Variants in TENM3 observed in about 807,000 individuals in gnomAD.
TENM3 encodes the protein teneurin transmembrane protein 3, also known as teneurin-3.
Under a neutral mutation model 255.1 loss-of-function variants are expected in TENM3, and 63 were observed. That is an observed-to-expected ratio of 0.25 (90% CI 0.20 to 0.30). The LOEUF is 0.30. Ranked by LOEUF, TENM3 falls within the 10% of genes least tolerant of loss-of-function variation. TENM3 has a pLI of 1.00. For synonymous variants in TENM3, 1,306 were observed against 1,322.3 expected (o/e 0.99, Z 0.27); for missense variants, 2,929 against 3,461.1 (o/e 0.85, Z 3.86).
rs1765895080 is a variant in TENM3 at position 182,788,973 on chromosome 4, T to C, written c.5305-120T>C. 38 of 869,104 alleles carry C rather than the reference T, an allele frequency of 4.4e-5. No homozygotes were observed. The South Asian group carries it at 6.8e-4, about 16-fold the overall frequency. 53.8% of individuals were successfully genotyped at this position (869,104 alleles called of 1,614,324 possible). A position where few individuals can be genotyped will look rare whatever the true frequency, so the allele number is the denominator to read the frequency against. On this transcript the variant is annotated intron_variant, in intron 24 of 27. Coordinates refer to ENST00000511685, the MANE Select transcript of TENM3 (RefSeq NM_001080477.4). ...CTGCCTTGCACTTGTACCCAAGAAG[T>C]TGCTAAGTTAATTTACTGACAAAGA...
chr4:182,474,739 G>A (rs544802743), intron 3 of TENM3, among the ~76,000 whole-genome samples: 2 of 152,244 alleles, frequency 1.3e-5, no homozygotes, highest in South Asian at 2.1e-4. Flanking sequence ...ATTGTAGGCT[G>A]TAACCTTAAT....
rs761467662 is a variant in TENM3 at position 182,729,080 on chromosome 4, G to A, written c.2484G>A (p.Ser828=). The change falls in exon 14 of 28, where the codon TCG becomes TCA. Residue 828 remains serine, a synonymous_variant. Coordinates refer to ENST00000511685, the MANE Select transcript of TENM3 (RefSeq NM_001080477.4). The part of the protein sequence containing the change: ...PQDIISQSLQ[S]PSQQAAKSFY... ...ACATCATTAGCCAAAGCCTTCAATC[G>A]CCTTCTCAGCAAGCTGCCAAATCCT... 9.9e-6 allele frequency: 16 copies of A among 1,613,794 alleles called. No individual in the cohort carries two copies. Among genetic ancestry groups the A allele is most frequent in the African/African-American group, 5.3e-5 (4 of 74,890 alleles).
chr4:181,653,152 C>G, the TENM3 span, among the ~76,000 whole-genome samples: 1 of 152,182 alleles, frequency 6.6e-6, no homozygotes, highest in Non-Finnish European at 1.5e-5. Flanking sequence ...CAGGGCTGAC[C>G]AGGACCCTGC....
chr4:182,111,946 GA>G, the TENM3 span, among the ~76,000 whole-genome samples: 1 of 152,114 alleles, frequency 6.6e-6, no homozygotes, highest in Non-Finnish European at 1.5e-5. Flanking sequence ...CGTAAAGCTA[GA>G]AAAATTCCAT....
At chr4:181,818,583 G>A in the TENM3 span, among the ~76,000 whole-genome samples, 2 of 150,608 alleles carry the variant, frequency 1.3e-5, no homozygotes, top group Admixed American at 6.6e-5. Flanking sequence ...GGGTAAATGT[G>A]TGCCATAGTG....
chr4:182,393,624 G>A (rs570377373), intron 3 of TENM3, among the ~76,000 whole-genome samples: 16 of 152,126 alleles, frequency 1.1e-4, no homozygotes, highest in African/African-American at 3.6e-4. Context: ...AATGGACTTC[G>A]GATTTAGCAT....
At chr4:181,774,019 T>G in the TENM3 span, among the ~76,000 whole-genome samples, 9 of 142,528 alleles carry the variant, frequency 6.3e-5, 1 homozygote, top group East Asian at 5.9e-4. Flanking sequence ...TTTTTTTTTT[T>G]TTTTTTTTTA....
intron 2 of TENM3, among the ~76,000 whole-genome samples, chr4:182,338,811 TA>T (rs1764299336): frequency 6.6e-6 from 1 of 152,232 alleles, no homozygotes. Flanking sequence ...GAAAATCTAT[TA>T]ACCATTCAGA....
chr4:181,739,309 T>C, the TENM3 span, among the ~76,000 whole-genome samples: 1 of 152,190 alleles, frequency 6.6e-6, no homozygotes, highest in Non-Finnish European at 1.5e-5. Flanking sequence ...TGTTTAAGAA[T>C]GAAGCTCCCC....
intron 1 of TENM3, among the ~76,000 whole-genome samples, chr4:182,257,879 C>T (rs1758521133): frequency 1.3e-5 from 2 of 152,114 alleles, no homozygotes; most frequent in Admixed American, 1.3e-4. Flanking sequence ...GGAAAAAGAA[C>T]AAGAATTTGC....
At chr4:182,114,114 G>C in the TENM3 span, among the ~76,000 whole-genome samples, 1 of 152,090 alleles carries the variant, frequency 6.6e-6, no homozygotes, top group African/African-American at 2.4e-5. Context: ...CATTTCAATA[G>C]GAAGACTCTC....
intron 1 of TENM3, among the ~76,000 whole-genome samples, chr4:182,147,704 G>A (rs1235217646): frequency 6.6e-6 from 1 of 152,048 alleles, no homozygotes; most frequent in Non-Finnish European, 1.5e-5. Context: ...GAGAATATGA[G>A]CAAAGAATAT....
chr4:181,914,997 T>C, the TENM3 span, among the ~76,000 whole-genome samples: 18 of 152,272 alleles, frequency 1.2e-4, no homozygotes, highest in Admixed American at 1.0e-3. Flanking sequence ...AGAATTTGGT[T>C]TTAGTCACGG....
At chr4:181,708,358 A>G in the TENM3 span, among the ~76,000 whole-genome samples, 1 of 152,210 alleles carries the variant, frequency 6.6e-6, no homozygotes, top group African/African-American at 2.4e-5. Flanking sequence ...ATAGCATCGT[A>G]TTGCCAGATT....
At chr4:181,458,198 A>G in the TENM3 span, among the ~76,000 whole-genome samples, 4 of 151,934 alleles carry the variant, frequency 2.6e-5, no homozygotes, top group African/African-American at 9.7e-5. Flanking sequence ...CAGTAATCAC[A>G]AAGAATCTGA....
intron 3 of TENM3, among the ~76,000 whole-genome samples, chr4:182,455,034 A>C (rs1773755760): frequency 6.6e-6 from 1 of 152,188 alleles, no homozygotes; most frequent in Admixed American, 6.5e-5. Flanking sequence ...GCCCATTACC[A>C]AAATACCTAA....
chr4:182,553,578 G>C (rs1742285928), intron 3 of TENM3, among the ~76,000 whole-genome samples: 1 of 151,774 alleles, frequency 6.6e-6, no homozygotes, highest in African/African-American at 2.4e-5. Flanking sequence ...ATTTACTAGA[G>C]ATAAACTTAA....
the TENM3 span, among the ~76,000 whole-genome samples, chr4:182,032,590 T>C: frequency 6.6e-6 from 1 of 152,214 alleles, no homozygotes; most frequent in Admixed American, 6.5e-5. Flanking sequence ...AAGGAGTCTC[T>C]CTTTTTCAAT....
At chr4:181,972,553 A>G in the TENM3 span, among the ~76,000 whole-genome samples, 10 of 152,160 alleles carry the variant, frequency 6.6e-5, no homozygotes, top group Admixed American at 6.5e-4. Context: ...CCTAAAGAAG[A>G]TGGCTAGATG....
Sources: allele counts gnomAD v4.1 joint callset (sites outside exome capture counted in the v4.1 genomes callset), GRCh38; gene constraint gnomAD v4.1.1; transcripts MANE v1.5; gene names NCBI Gene and HGNC (gene_info 2026-07-23, HGNC 2026-07-21).